ARHGAP6: variants seen among roughly 807,000 people sequenced by gnomAD.
ARHGAP6 encodes rho GTPase-activating protein 6.
Under a neutral mutation model 55.7 loss-of-function variants are expected in ARHGAP6, and 16 were observed. That is an observed-to-expected ratio of 0.29 (90% confidence interval 0.19 to 0.44). The LOEUF is 0.44. Ranked by LOEUF, ARHGAP6 falls within the 20% of genes least tolerant of loss-of-function variation. The pLI is 1.00. For missense variants in ARHGAP6, 698 were observed against 808.9 expected, an observed-to-expected ratio of 0.86 and a Z score of 1.66; for synonymous variants, 382 against 360.9, an observed-to-expected ratio of 1.06 and a Z score of -0.66.
intron 1 of ARHGAP6, among the ~76,000 whole-genome samples, chrX:11,559,800 T>A (rs982491871): frequency 9.2e-6 from 1 of 108,671 alleles, no homozygotes; most frequent in African/African-American, 3.3e-5. Context: ...TGGTGGTGGG[T>A]GCCTGTAATC....
Position 11,163,512 on chromosome X carries a change from C to T in ARHGAP6, c.1809+5993G>A, listed in dbSNP as rs187123103. Among the ~76,000 whole-genome samples, 3 of 112,410 alleles carry T rather than the reference C, an allele frequency of 2.7e-5. No individual in the cohort carries two copies. In the East Asian group the frequency reaches 8.4e-4, roughly 31 times the overall value. On this transcript the variant is annotated intron_variant, in intron 9 of 12. Transcript: ENST00000337414. ...TTCCACACCAATCCACCACTTTGCA[C>T]TTGACCAAGAAGGATGCTTTAGCAT... is the stretch of plus-strand genomic sequence containing the variant.
In ARHGAP6 at chrX:11,333,744, G is replaced by A. The variant is rs1050696573; in HGVS notation, c.589-79037C>T. On this transcript the variant is annotated intron_variant, in intron 1 of 12. Transcript: ENST00000337414. ...GGTTTTCATAAAACACAACTTCTGC[G>A]ATATGGTCTGTTGATAAGGTTGCTC... is the stretch of plus-strand genomic sequence containing the variant. Among the ~76,000 whole-genome samples the A allele has an allele frequency of 4.5e-5, 5 of 112,179 alleles. No homozygotes were observed. In the South Asian group the frequency reaches 1.1e-3, roughly 25 times the overall value.
intron 1 of ARHGAP6, among the ~76,000 whole-genome samples, chrX:11,258,580 A>ACAGTTC (rs2047520252): frequency 1.8e-5 from 2 of 111,976 alleles, no homozygotes; most frequent in South Asian, 7.4e-4. Context: ...CTCAATTAAA[A>ACAGTTC]CAGTTCCAAC....
intron 1 of ARHGAP6, among the ~76,000 whole-genome samples, chrX:11,632,055 T>C (rs992732557): frequency 2.0e-4 from 22 of 111,854 alleles, no homozygotes; most frequent in African/African-American, 7.1e-4. Context: ...TTGCCTTAAA[T>C]ATGATGTAAA....
chrX:11,585,851 C>A (rs2051727128), intron 1 of ARHGAP6, among the ~76,000 whole-genome samples: 1 of 111,721 alleles, frequency 9.0e-6, no homozygotes, highest in South Asian at 3.7e-4. Context: ...AACCTATAAT[C>A]ATGGCAGAAG....
At chrX:11,647,502 A>G (rs2052542547) in intron 1 of ARHGAP6, among the ~76,000 whole-genome samples, 2 of 112,353 alleles carry the variant, frequency 1.8e-5, no homozygotes, top group Non-Finnish European at 3.8e-5. Context: ...TGTAATGGAA[A>G]AAAAAGGGCA....
intron 1 of ARHGAP6, among the ~76,000 whole-genome samples, chrX:11,385,061 C>T (rs1159216226): frequency 9.0e-6 from 1 of 111,727 alleles, no homozygotes; most frequent in Non-Finnish European, 1.9e-5. Flanking sequence ...AAGGTTGAAG[C>T]TTAGAAATTC....
intron 1 of ARHGAP6, among the ~76,000 whole-genome samples, chrX:11,658,986 T>C (rs1174895051): frequency 9.1e-6 from 1 of 110,419 alleles, no homozygotes; most frequent in Admixed American, 9.7e-5. Flanking sequence ...AAAAGTACAC[T>C]GTGGTACAAA....
At position 11,138,894 on chromosome X, in the gene ARHGAP6, T is replaced by C. The variant is rs1213806945; in HGVS notation, c.2894A>G (p.Asn965Ser). ...WQIWELLSTD[N>S]PDALPETLV ...CAGCGTCTCGGGCAGGGCATCGGGG[T>C]TGTCGGTCGACAGGAGCTCCCAGAT... The change falls in exon 13 of 13, where the codon AAC becomes AGC. Residue 965 changes from asparagine (N) to serine (S), a missense_variant. Asn to Ser is a conservative substitution (Grantham distance 46, BLOSUM62 1). Transcript: ENST00000337414. The C allele has an allele frequency of 1.7e-6, 2 of 1,184,508 alleles. No homozygotes were observed. Among genetic ancestry groups the C allele is most frequent in the Non-Finnish European group, 1.1e-6 (1 of 887,937 alleles).
At position 11,245,654 on chromosome X, in the gene ARHGAP6, A is replaced by C. The variant is rs148681242; in HGVS notation, c.748+8894T>G. Among the ~76,000 whole-genome samples, 17 of 112,504 alleles carry C rather than the reference A, an allele frequency of 1.5e-4. No homozygotes were observed. In the East Asian group the frequency reaches 4.7e-3, roughly 31 times the overall value. On this transcript the variant is annotated intron_variant, in intron 2 of 12. Transcript: ENST00000337414. ...AATCAAGAAAATTCAGTGGATCATG[A>C]AAACATATTTTGAAAATGAAAGAGA...
rs1491462940 is a variant in ARHGAP6 at position 11,241,573 on chromosome X, T to TGTGTGC, written c.748+12974_748+12975insGCACAC. Among the ~76,000 whole-genome samples the TGTGTGC allele has an allele frequency of 2.3e-3, 225 of 97,396 alleles. 1 individual carries two copies. The Middle Eastern group carries it at 0.023, about 10-fold the overall frequency. The allele number at this position is 97,396 out of a possible 115,157, so 84.6% of individuals were successfully genotyped here. A position where few individuals can be genotyped will look rare whatever the true frequency, so the allele number is the denominator to read the frequency against. On this transcript the variant is annotated intron_variant, in intron 2 of 12. Transcript: ENST00000337414. ...GTGTGTGTGTGTGTGTGTGTGTGTG[T>TGTGTGC]GCGCGTGTGTCATCTTCAAGAAATC... is the stretch of plus-strand genomic sequence containing the variant.
chrX:11,464,417 A>G (rs1206161126), intron 1 of ARHGAP6, among the ~76,000 whole-genome samples: 2 of 112,337 alleles, frequency 1.8e-5, no homozygotes, highest in Non-Finnish European at 3.8e-5. Context: ...AACAAGGAGT[A>G]CACACAAGGA....
At chrX:11,244,697 A>T (rs1199370132) in intron 2 of ARHGAP6, among the ~76,000 whole-genome samples, 3 of 112,355 alleles carry the variant, frequency 2.7e-5, no homozygotes, top group Admixed American at 1.9e-4. Context: ...CTATGATCCC[A>T]AAAGAGAATA....
chrX:11,234,100 A>G (rs187760565), intron 2 of ARHGAP6, among the ~76,000 whole-genome samples: 1 of 112,460 alleles, frequency 8.9e-6, no homozygotes, highest in East Asian at 2.8e-4. Context: ...AGAGAAGGGA[A>G]GGAAAATATA....
intron 2 of ARHGAP6, among the ~76,000 whole-genome samples, chrX:11,248,805 C>G (rs755558069): frequency 4.1e-4 from 46 of 111,709 alleles, no homozygotes; most frequent in Non-Finnish European, 8.3e-4. Flanking sequence ...GGGAACACTT[C>G]TACACTGCTG....
At chrX:11,491,517 T>C (rs1272132870) in intron 1 of ARHGAP6, among the ~76,000 whole-genome samples, 1 of 111,728 alleles carries the variant, frequency 9.0e-6, no homozygotes, top group Non-Finnish European at 1.9e-5. Context: ...TCCAATTTCA[T>C]CCATGTCCCT....
chrX:11,662,506 A>G (rs1445006650), intron 1 of ARHGAP6, among the ~76,000 whole-genome samples: 1 of 112,137 alleles, frequency 8.9e-6, no homozygotes, highest in Non-Finnish European at 1.9e-5. Context: ...AAAGGTAAAA[A>G]TCATGGTAGA....
At chrX:11,224,835 G>T (rs2047025219) in intron 2 of ARHGAP6, among the ~76,000 whole-genome samples, 1 of 110,975 alleles carries the variant, frequency 9.0e-6, no homozygotes, top group African/African-American at 3.3e-5. Context: ...GGGAGGTAGT[G>T]GCTGTGTATG....
chrX:11,441,671 A>G (rs2050040416), intron 1 of ARHGAP6, among the ~76,000 whole-genome samples: 1 of 111,928 alleles, frequency 8.9e-6, no homozygotes, highest in Admixed American at 9.5e-5. Flanking sequence ...TTTGCTTTCT[A>G]CTGTCAGATT....
Sources: allele counts gnomAD v4.1 joint callset (sites outside exome capture counted in the v4.1 genomes callset), GRCh38; gene constraint gnomAD v4.1.1; transcripts MANE v1.5; gene names NCBI Gene and HGNC (gene_info 2026-07-23, HGNC 2026-07-21).